The following LAMA3 variants were observed in gnomAD, a reference collection of about 807,000 sequenced individuals.
LAMA3 encodes laminin subunit alpha-3.
LAMA3 carries 281 observed loss-of-function variants against 402.0 expected under a neutral mutation model. That is an observed-to-expected ratio of 0.70 (90% CI 0.63 to 0.77). The LOEUF is 0.77. LAMA3 is among the 30% of genes least tolerant of loss of function. The probability of loss-of-function intolerance (pLI) is 0.00; values close to 1 mark genes in which losing one functional copy is unlikely to be tolerated. For synonymous variants in LAMA3, 1,431 were observed against 1,558.4 expected (o/e 0.92, Z 1.93); for missense variants, 3,840 against 4,215.5 (o/e 0.91, Z 2.47).
intron 2 of LAMA3, among the ~76,000 whole-genome samples, chr18:23,727,713 G>A (rs2061323916): frequency 6.6e-6 from 1 of 152,076 alleles, no homozygotes; most frequent in Non-Finnish European, 1.5e-5. Context: ...TCTAGGCCAT[G>A]TATTGTAACT....
intron 11 of LAMA3, among the ~76,000 whole-genome samples, chr18:23,782,910 T>C (rs1568179306): frequency 6.6e-6 from 1 of 152,172 alleles, no homozygotes; most frequent in East Asian, 1.9e-4. Flanking sequence ...GTGCTGGCCC[T>C]GGGGGCCTGT....
At chr18:23,812,763 A>G (rs7506397) in intron 13 of LAMA3, among the ~76,000 whole-genome samples, 2 of 152,212 alleles carry the variant, frequency 1.3e-5, no homozygotes, top group African/African-American at 4.8e-5. Context: ...ATGATGCTCA[A>G]AATTTTAGAA....
chr18:23,889,341 T>C (rs1192275972), intron 41 of LAMA3, among the ~76,000 whole-genome samples: 1 of 151,972 alleles, frequency 6.6e-6, no homozygotes, highest in Non-Finnish European at 1.5e-5. Context: ...GCAGAAGGAT[T>C]GCTTGAGCCC....
chr18:23,952,569 C>G (rs552276374), intron 73 of LAMA3, among the ~76,000 whole-genome samples: 1 of 152,116 alleles, frequency 6.6e-6, no homozygotes, highest in African/African-American at 2.4e-5. Flanking sequence ...AATTTTGTGT[C>G]GAGAGTCAAA....
chr18:23,835,697 A>T (rs560122277), intron 24 of LAMA3, among the ~76,000 whole-genome samples: 1 of 152,296 alleles, frequency 6.6e-6, no homozygotes, highest in South Asian at 2.1e-4. Flanking sequence ...GATGAGTGAA[A>T]ATCAACAGGC....
chr18:23,848,451 G>A lies in LAMA3; in HGVS notation c.4136+783G>A, dbSNP rs557509137. Reference sequence around the variant, plus strand: ...GGGGGCTGCAGGGGCCAGAGAAAGCGTATGGCTCCTAGAAGGAGAGACTGG... The same window carrying A: ...GGGGGCTGCAGGGGCCAGAGAAAGCATATGGCTCCTAGAAGGAGAGACTGG... On this transcript the variant is annotated intron_variant, in intron 32 of 74. Transcript: ENST00000313654. Among the ~76,000 whole-genome samples, 98 of 152,318 alleles carry A rather than the reference G, an allele frequency of 6.4e-4. 1 individual carries two copies. The South Asian group carries it at 0.016, about 24-fold the overall frequency.
At chr18:23,792,902 T>A (rs1234128797) in intron 12 of LAMA3, among the ~76,000 whole-genome samples, 1 of 152,168 alleles carries the variant, frequency 6.6e-6, no homozygotes, top group Non-Finnish European at 1.5e-5. Flanking sequence ...ATGCCTGTTT[T>A]ATAATAGAGT....
chr18:23,848,720 T>C lies in LAMA3; in HGVS notation c.4136+1052T>C, dbSNP rs2063878454. Among the ~76,000 whole-genome samples, 2 of 152,180 alleles carry C rather than the reference T, an allele frequency of 1.3e-5. 1 individual carries two copies. The highest frequency in any genetic ancestry group is 4.1e-4 in the South Asian group (2 of 4,826). ...CTGTGGTAGTCTCCCATGACTGCCA[T>C]TAACGAATGCCACAAACAACGCTAA... On this transcript the variant is annotated intron_variant, in intron 32 of 74. Transcript: ENST00000313654.
chr18:23,945,820 G>A (rs1292800722), intron 69 of LAMA3, among the ~76,000 whole-genome samples: 1 of 152,176 alleles, frequency 6.6e-6, no homozygotes, highest in Non-Finnish European at 1.5e-5. Context: ...TTGTTACATG[G>A]AGGGGGTTGC....
At chr18:23,807,034 A>T (rs1417821606) in intron 12 of LAMA3, among the ~76,000 whole-genome samples, 1 of 152,200 alleles carries the variant, frequency 6.6e-6, no homozygotes, top group Non-Finnish European at 1.5e-5. Context: ...TCTAATAGTG[A>T]TATTTTTGTG....
intron 21 of LAMA3, among the ~76,000 whole-genome samples, chr18:23,825,292 T>C (rs2063359879): frequency 6.6e-6 from 1 of 152,220 alleles, no homozygotes; most frequent in South Asian, 2.1e-4. Flanking sequence ...CAGCCCTCTT[T>C]GCTATGTGCT....
intron 1 of LAMA3, among the ~76,000 whole-genome samples, chr18:23,702,356 C>T (rs1301708709): frequency 1.3e-5 from 2 of 152,108 alleles, no homozygotes; most frequent in African/African-American, 2.4e-5. Flanking sequence ...TTAGAGACAG[C>T]GTCTTGCTTT....
chr18:23,872,179 CT>C (rs1453013380), intron 38 of LAMA3, among the ~76,000 whole-genome samples: 1 of 152,160 alleles, frequency 6.6e-6, no homozygotes, highest in African/African-American at 2.4e-5. Context: ...AATAACTGAC[CT>C]TATACCTTTC....
chr18:23,827,911 C>T (rs2063416755), intron 23 of LAMA3, among the ~76,000 whole-genome samples: 1 of 152,162 alleles, frequency 6.6e-6, no homozygotes, highest in Non-Finnish European at 1.5e-5. Context: ...ATTCCTTGAG[C>T]TCAGAATCCG....
At chr18:23,734,929 G>A (rs1187878035) in intron 2 of LAMA3, among the ~76,000 whole-genome samples, 1 of 152,214 alleles carries the variant, frequency 6.6e-6, no homozygotes, top group African/African-American at 2.4e-5. Flanking sequence ...AGCTCAGAAA[G>A]TTTTCCCAAA....
Position 23,784,152 on chromosome 18 carries a change from G to A in LAMA3, c.1598G>A (p.Cys533Tyr). 1 of 1,614,106 alleles carries A rather than the reference G, an allele frequency of 6.2e-7. No homozygotes were observed. Among genetic ancestry groups the A allele is most frequent in the Admixed American group, 1.7e-5 (1 of 60,012 alleles). Residue 533 changes from cysteine (C) to tyrosine (Y), a missense_variant, in exon 12 of 75, where the codon TGC (cysteine) becomes TAC (tyrosine). By Grantham distance (194) the Cys-to-Tyr change is radical. Coordinates refer to ENST00000313654, the MANE Select transcript of LAMA3 (RefSeq NM_198129.4). ...CRSGFYSFPI[C>Y]QACWCSALGS... ...TCTGGTTTCTACTCATTCCCTATTT[G>A]CCAAGGTAAGTGGGCAGAACATAGC...
chr18:23,830,058 T>C (rs1341917990), intron 23 of LAMA3, among the ~76,000 whole-genome samples: 1 of 152,212 alleles, frequency 6.6e-6, no homozygotes, highest in South Asian at 2.1e-4. Flanking sequence ...ACCAAAATAA[T>C]CTGCTTCCAG....
chr18:23,761,102 T>G (rs567034708), intron 7 of LAMA3, among the ~76,000 whole-genome samples: 2 of 152,362 alleles, frequency 1.3e-5, no homozygotes, highest in Admixed American at 1.3e-4. Context: ...TTATATAATC[T>G]ACATAATTTT....
chr18:23,953,163 T>C, intron 74 of LAMA3, 54 bp downstream of exon 74: 3 of 1,608,492 alleles, frequency 1.9e-6, no homozygotes, highest in South Asian at 2.2e-5. Context: ...CTCTGAACAT[T>C]CACTTCTTAA....
Sources: allele counts gnomAD v4.1 joint callset (sites outside exome capture counted in the v4.1 genomes callset), GRCh38; gene constraint gnomAD v4.1.1; transcripts MANE v1.5; gene names NCBI Gene and HGNC (gene_info 2026-07-23, HGNC 2026-07-21).